Variants in ANKS1A observed in about 807,000 individuals in gnomAD.
ANKS1A encodes the protein ankyrin repeat and SAM domain-containing protein 1A.
ANKS1A carries 55 observed loss-of-function variants against 120.3 expected under a neutral mutation model. The ratio of observed to expected loss-of-function variants is 0.46; its 90% CI spans 0.37 to 0.57. The LOEUF (loss-of-function observed/expected upper bound fraction) is 0.57. Among genes scored for constraint, ANKS1A ranks in the 20% least tolerant of loss-of-function variants. ANKS1A has a pLI of 0.00. For synonymous variants in ANKS1A, 590 were observed against 604.7 expected (o/e 0.98, Z 0.36); for missense variants, 1,123 against 1,480.3 (o/e 0.76, Z 3.96).
At chr6:35,064,318 G>A (rs940013668) in intron 13 of ANKS1A, among the ~76,000 whole-genome samples, 5 of 152,186 alleles carry the variant, frequency 3.3e-5, no homozygotes, top group African/African-American at 9.6e-5. Context: ...GGCTCAGGAA[G>A]GGTTAGAAAT....
chr6:34,994,369 T>C lies in ANKS1A; in HGVS notation c.1370T>C (p.Leu457Pro). The change falls in exon 10 of 24, where the codon CTG becomes CCG. Residue 457 changes from leucine to proline, a missense_variant. Coordinates refer to ENST00000360359, the MANE Select transcript of ANKS1A (RefSeq NM_015245.3). ...AREEDEHPYE[L>P]LLTAETKKVV... ...GAAGAAGACGAACACCCTTATGAAC[T>C]GTTGTTAACAGCAGAGACAAAGAAA... 1.9e-6 allele frequency: 3 copies of C among 1,613,720 alleles called. No homozygotes were observed. The highest frequency in any genetic ancestry group is 1.3e-5 in the African/African-American group (1 of 75,034).
At chr6:35,053,823 C>A (rs1237684586) in intron 11 of ANKS1A, among the ~76,000 whole-genome samples, 2 of 152,364 alleles carry the variant, frequency 1.3e-5, no homozygotes, top group East Asian at 3.9e-4. Flanking sequence ...CATAGAGATG[C>A]CTTGAAAGGG....
chr6:35,090,171 G>T lies in ANKS1A; in HGVS notation c.*1562G>T, dbSNP rs1426655001. On this transcript the variant is annotated 3_prime_UTR_variant, in exon 24 of 24. Coordinates refer to ENST00000360359, the MANE Select transcript of ANKS1A (RefSeq NM_015245.3). ...GAGGCAGGCCCTCCTCCACTTCTTG[G>T]TACTAAACGAAGATCTCGACACCTT... 1 of 1,289,454 alleles carries T rather than the reference G, an allele frequency of 7.8e-7. No homozygotes were observed. The highest frequency in any genetic ancestry group is 5.5e-5 in the East Asian group (1 of 18,030). The allele number at this position is 1,289,454 out of a possible 1,614,324, so 79.9% of individuals were successfully genotyped here. A position where few individuals can be genotyped will look rare whatever the true frequency, so the allele number is the denominator to read the frequency against.
At chr6:34,984,998 A>G in intron 7 of ANKS1A, 84 bp from the exon 8 acceptor site, 1 of 1,344,560 alleles carries the variant, frequency 7.4e-7, no homozygotes, top group Non-Finnish European at 1.0e-6. Flanking sequence ...CGGGTGACTA[A>G]AGAGGCTTTG....
chr6:35,049,310 G>A (rs1007427493), intron 11 of ANKS1A, among the ~76,000 whole-genome samples: 3 of 152,208 alleles, frequency 2.0e-5, no homozygotes, highest in Non-Finnish European at 4.4e-5. Context: ...GTGTATTAGC[G>A]ATAGCTAACA....
At chr6:35,006,238 T>TA (rs1773447210) in intron 10 of ANKS1A, among the ~76,000 whole-genome samples, 1 of 149,028 alleles carries the variant, frequency 6.7e-6, no homozygotes, top group East Asian at 2.0e-4. Context: ...CACACACCTG[T>TA]AATCCCAGCT....
In ANKS1A at chr6:35,086,336, C is replaced by T; in HGVS notation, c.3303+400C>T. On this transcript the variant is annotated intron_variant, in intron 22 of 23. Transcript: ENST00000360359. The surrounding 1 kb of genome is among the most constrained non-coding windows in gnomAD (Gnocchi z 5.1). ...CTGCACCACCCACCGTCCTTCCTAC[C>T]TACCGCTGCCATCTGTTAGTCCTGG... 1 of 1,300,664 alleles carries T rather than the reference C, an allele frequency of 7.7e-7. No individual in the cohort carries two copies. Among genetic ancestry groups the T allele is most frequent in the South Asian group, 1.2e-5 (1 of 81,076 alleles). 80.6% of individuals were successfully genotyped at this position (1,300,664 alleles called of 1,614,324 possible). A position where few individuals can be genotyped will look rare whatever the true frequency, so the allele number is the denominator to read the frequency against.
intron 13 of ANKS1A, among the ~76,000 whole-genome samples, chr6:35,068,755 T>C (rs1776920968): frequency 6.6e-6 from 1 of 152,242 alleles, no homozygotes; most frequent in Non-Finnish European, 1.5e-5. Flanking sequence ...TTTCTTCTCT[T>C]GCAAGAGAGG....
At position 35,079,499 on chromosome 6, in the gene ANKS1A, C is replaced by T. The variant is rs747655043; in HGVS notation, c.2284-17C>T. On this transcript the variant is annotated splice_polypyrimidine_tract_variant and intron_variant, in intron 14 of 23. Coordinates refer to ENST00000360359, the MANE Select transcript of ANKS1A (RefSeq NM_015245.3). ...GAGTGCTGAGATGTCAGTTTCACCTCCCTCCTTGCCCTGTAGGTGAAGGCT... is the reference window on the plus strand; with the variant it reads ...GAGTGCTGAGATGTCAGTTTCACCTTCCTCCTTGCCCTGTAGGTGAAGGCT... The T allele has an allele frequency of 3.3e-5, 53 of 1,613,002 alleles. No individual in the cohort carries two copies. The highest frequency in any genetic ancestry group is 4.2e-5 in the Non-Finnish European group (50 of 1,179,488).
intron 13 of ANKS1A, among the ~76,000 whole-genome samples, chr6:35,075,136 T>TA (rs774161719): frequency 2.0e-5 from 3 of 152,296 alleles, no homozygotes; most frequent in East Asian, 1.9e-4. Flanking sequence ...TCTTGACTCT[T>TA]ACACCTTACA....
intron 11 of ANKS1A, among the ~76,000 whole-genome samples, chr6:35,021,995 A>AC (rs752517183): frequency 2.0e-4 from 30 of 151,790 alleles, no homozygotes; most frequent in Non-Finnish European, 3.5e-4. Flanking sequence ...AAAAAAAAAA[A>AC]AAAACAAAAC....
chr6:35,054,588 A>G (rs1475082153), intron 12 of ANKS1A, among the ~76,000 whole-genome samples: 2 of 152,308 alleles, frequency 1.3e-5, no homozygotes, highest in South Asian at 2.1e-4. Flanking sequence ...TCAGACTCGT[A>G]GCATGCATGT....
At position 34,976,370 on chromosome 6, in the gene ANKS1A, A is replaced by G. The variant is rs556400794; in HGVS notation, c.436-5320A>G. ...TTTTTTGACATTTGGGGCCTTTTTCAACAAGTCGGTGTAAACCAGCCAAAT... is the reference window on the plus strand; with the variant it reads ...TTTTTTGACATTTGGGGCCTTTTTCGACAAGTCGGTGTAAACCAGCCAAAT... On this transcript the variant is annotated intron_variant, in intron 3 of 23. Transcript: ENST00000360359. 8.5e-5 allele frequency among the ~76,000 whole-genome samples: 13 copies of G among 152,226 alleles called. No individual in the cohort carries two copies. The South Asian group carries it at 2.5e-3, about 29-fold the overall frequency.
At chr6:34,980,778 A>G (rs888296361) in intron 3 of ANKS1A, among the ~76,000 whole-genome samples, 1 of 152,232 alleles carries the variant, frequency 6.6e-6, no homozygotes, top group African/African-American at 2.4e-5. Context: ...GTAAAAGAGC[A>G]TAATTGGAAT....
intron 3 of ANKS1A, chr6:34,972,599 G>T (rs983022715): frequency 1.6e-5 from 16 of 985,124 alleles, no homozygotes; most frequent in Admixed American, 6.2e-5. Context: ...TGAGATCAAA[G>T]AACTCAAAAA....
chr6:35,051,908 T>G (rs1775990181), intron 11 of ANKS1A, among the ~76,000 whole-genome samples: 1 of 152,216 alleles, frequency 6.6e-6, no homozygotes, highest in Non-Finnish European at 1.5e-5. Context: ...AACTAACCTT[T>G]TATTGAGCAT....
At chr6:35,092,385 C>A (rs1388950245), downstream of ANKS1A, among the ~76,000 whole-genome samples, 1 of 152,202 alleles carries the variant, frequency 6.6e-6, no homozygotes, top group Non-Finnish European at 1.5e-5. Flanking sequence ...AACTTAACCT[C>A]TTTTATTGGT....
At position 35,083,145 on chromosome 6, in the gene ANKS1A, G is replaced by A. The variant is rs372869405; in HGVS notation, c.2836-10G>A. 8.4e-5 allele frequency: 136 copies of A among 1,613,420 alleles called. No individual in the cohort carries two copies. The highest frequency in any genetic ancestry group is 1.0e-4 in the Non-Finnish European group (123 of 1,179,610). Reference sequence around the variant, plus strand: ...GATTTCCTAAGCCTGGCCACTGCTCGCCCCCACAGTATCTGGGCTCCATGC... The same window carrying A: ...GATTTCCTAAGCCTGGCCACTGCTCACCCCCACAGTATCTGGGCTCCATGC... On this transcript the variant is annotated splice_polypyrimidine_tract_variant and intron_variant, in intron 18 of 23. Transcript: ENST00000360359.
At chr6:35,019,502 G>A (rs1042790685) in intron 11 of ANKS1A, among the ~76,000 whole-genome samples, 13 of 152,182 alleles carry the variant, frequency 8.5e-5, no homozygotes, top group Admixed American at 5.9e-4. Context: ...ATTAGGCAGA[G>A]ACAGAGGAAT....
Sources: allele counts gnomAD v4.1 joint callset (sites outside exome capture counted in the v4.1 genomes callset), GRCh38; gene constraint gnomAD v4.1.1; non-coding constraint Gnocchi (gnomAD v3.1); transcripts MANE v1.5; gene names NCBI Gene and HGNC (gene_info 2026-07-23, HGNC 2026-07-21).